Variants in PRKCSH observed in about 807,000 individuals in gnomAD.
The protein encoded by PRKCSH is PRKCSH beta subunit of glucosidase II.
In PRKCSH, 42 loss-of-function variants were observed where a neutral mutation model predicts 79.7. The observed-to-expected ratio is 0.53, with a 90% CI of 0.41 to 0.68. PRKCSH has a LOEUF of 0.68. PRKCSH is among the 30% of genes least tolerant of loss of function. The pLI is 0.00. For missense variants in PRKCSH, 686 were observed against 709.0 expected, an observed-to-expected ratio of 0.97 and a Z score of 0.37; for synonymous variants, 325 against 288.2, an observed-to-expected ratio of 1.13 and a Z score of -1.29.
chr19:11,438,104 C>T lies in PRKCSH; in HGVS notation c.330C>T (p.Val110=), dbSNP rs1969867742. The change falls in exon 5 of 18, where the codon GTC becomes GTT. Residue 110 remains valine, a synonymous_variant. Coordinates refer to ENST00000677123, the MANE Select transcript of PRKCSH (RefSeq NM_001289104.2). ...CDGTDEYNSG[V]ICENTCKEKG... ...GAACAGACGAGTACAACAGCGGCGT[C>T]ATCTGTGAGAACACCTGCAAGTACG... The T allele has an allele frequency of 6.2e-6, 10 of 1,614,156 alleles. No individual in the cohort carries two copies. The highest frequency in any genetic ancestry group is 1.1e-5 in the South Asian group (1 of 91,070).
At chr19:11,436,579 A>G (rs1391000220) in intron 3 of PRKCSH, 74 bp downstream of exon 3, 2 of 1,198,842 alleles carry the variant, frequency 1.7e-6, no homozygotes, top group South Asian at 1.3e-5. Context: ...CTGTGTGACC[A>G]AGATACTACC....
In PRKCSH at chr19:11,449,896, A is replaced by G. The variant is rs369104504; in HGVS notation, c.*16+468A>G. The G allele has an allele frequency of 4.7e-6, 1 of 210,536 alleles. No homozygotes were observed. Among genetic ancestry groups the G allele is most frequent in the Non-Finnish European group, 9.7e-6 (1 of 103,558 alleles). 13.0% of individuals were successfully genotyped at this position (210,536 alleles called of 1,614,324 possible). On this transcript the variant is annotated intron_variant, in intron 17 of 17. Transcript: ENST00000677123. This position sits in a 1 kb window ranked among gnomAD's most constrained non-coding sequence, Gnocchi z 6.4. Reference sequence around the variant, plus strand: ...CTTGTTGCCGAGGCTGGAATGTGGAATGCAATGGCGCGATCTCGGCTCACT... The same window carrying G: ...CTTGTTGCCGAGGCTGGAATGTGGAGTGCAATGGCGCGATCTCGGCTCACT...
chr19:11,450,391 C>T (rs1733355910), intron 17 of PRKCSH: 1 of 151,794 alleles, frequency 6.6e-6, no homozygotes, highest in Non-Finnish European at 1.5e-5. Context: ...GCACAAGAAT[C>T]ACTTGAACCC....
Position 11,447,426 on chromosome 19 carries a change from G to A in PRKCSH, c.850-13G>A, listed in dbSNP as rs762897781. 4.3e-6 allele frequency: 7 copies of A among 1,613,364 alleles called. No individual in the cohort carries two copies. The highest frequency in any genetic ancestry group is 5.1e-6 in the Non-Finnish European group (6 of 1,179,706). The stretch of plus-strand genomic sequence containing the variant: ...CTGAGTCCACAACACCGACCGCACT[G>A]CTCACCCGCCAGGCACTGCCCACCG... On this transcript the variant is annotated splice_polypyrimidine_tract_variant and intron_variant, in intron 10 of 17. Transcript: ENST00000677123. The surrounding 1 kb of genome is among the most constrained non-coding windows in gnomAD (Gnocchi z 5.6).
At position 11,449,373 on chromosome 19, in the gene PRKCSH, G is replaced by C. The variant is rs149505716; in HGVS notation, c.1569G>C (p.Pro523=). The C allele has an allele frequency of 1.2e-6, 2 of 1,613,216 alleles. No homozygotes were observed. The highest frequency in any genetic ancestry group is 2.7e-5 in the African/African-American group (2 of 74,908). Residue 523 remains proline, a synonymous_variant, in exon 17 of 18, where the codon CCG becomes CCC. Coordinates refer to ENST00000677123, the MANE Select transcript of PRKCSH (RefSeq NM_001289104.2). The surrounding 1 kb of genome is among the most constrained non-coding windows in gnomAD (Gnocchi z 6.4). The part of the protein sequence containing the change: ...LMTPAACPEP[P]PEAPTEDDHD... The stretch of plus-strand genomic sequence containing the variant: ...CGCCAGCCGCCTGCCCGGAGCCACC[G>C]CCTGAAGCACCCACCGAAGACGACC...
At chr19:11,446,464 T>C (rs561399786) in intron 9 of PRKCSH, 114 bp downstream of exon 9, 1 of 1,243,890 alleles carries the variant, frequency 8.0e-7, no homozygotes, top group East Asian at 2.6e-5. Context: ...ATGCCTCCTC[T>C]GGGTGAGCTG....
chr19:11,442,608 C>T, intron 7 of PRKCSH, 93 bp downstream of exon 7: 1 of 1,543,548 alleles, frequency 6.5e-7, no homozygotes, highest in South Asian at 1.2e-5. Flanking sequence ...TTGTCAGTTT[C>T]AGCAGGTTTT....
chr19:11,438,467 C>T (rs568381337), intron 5 of PRKCSH, among the ~76,000 whole-genome samples: 29 of 152,076 alleles, frequency 1.9e-4, no homozygotes, highest in Non-Finnish European at 2.8e-4. Context: ...AAGTATACAA[C>T]GGAAGGAGGC....
chr19:11,436,655 G>A (rs761109003), intron 3 of PRKCSH, 150 bp downstream of exon 3: 167 of 730,920 alleles, frequency 2.3e-4, no homozygotes, highest in Non-Finnish European at 3.3e-4. Flanking sequence ...TTATGGCCCC[G>A]GGCAGCTGGA....
chr19:11,446,217 A>C, intron 8 of PRKCSH, 55 bp from the exon 9 acceptor site: 1 of 1,585,594 alleles, frequency 6.3e-7, no homozygotes, highest in South Asian at 1.1e-5. Context: ...GGTGCCCCCA[A>C]CTGAGAGCCA....
At chr19:11,440,217 C>T (rs1969995663) in intron 5 of PRKCSH, among the ~76,000 whole-genome samples, 1 of 146,280 alleles carries the variant, frequency 6.8e-6, no homozygotes, top group Admixed American at 6.8e-5. Context: ...GTGTGATCTC[C>T]GCTCACTGCA....
In PRKCSH at chr19:11,449,968, C is replaced by G. The variant is rs1349309861; in HGVS notation, c.*16+540C>G. On this transcript the variant is annotated intron_variant, in intron 17 of 17. Transcript: ENST00000677123. The surrounding 1 kb of genome is among the most constrained non-coding windows in gnomAD (Gnocchi z 6.4). ...CAAGCAATTCTCCTGCCTCAGCCTCCTGAGTAATTGGGACTACAGGCGCCG... is the reference window on the plus strand; with the variant it reads ...CAAGCAATTCTCCTGCCTCAGCCTCGTGAGTAATTGGGACTACAGGCGCCG... 1 of 170,608 alleles carries G rather than the reference C, an allele frequency of 5.9e-6. No homozygotes were observed. Among genetic ancestry groups the G allele is most frequent in the African/African-American group, 2.4e-5 (1 of 41,628 alleles). 10.6% of individuals were successfully genotyped at this position (170,608 alleles called of 1,614,324 possible).
At chr19:11,443,023 C>T (rs1970134337) in intron 7 of PRKCSH, among the ~76,000 whole-genome samples, 1 of 151,590 alleles carries the variant, frequency 6.6e-6, no homozygotes, top group African/African-American at 2.4e-5. Flanking sequence ...CTTTTAACAT[C>T]AATGTAGATT....
At chr19:11,446,549 C>A (rs1407054476) in intron 9 of PRKCSH, among the ~76,000 whole-genome samples, 199 bp downstream of exon 9, 7 of 151,910 alleles carry the variant, frequency 4.6e-5, no homozygotes, top group Admixed American at 4.6e-4. Flanking sequence ...GAGCCCGTTT[C>A]CCCGCACCTG....
intron 5 of PRKCSH, among the ~76,000 whole-genome samples, chr19:11,439,823 A>C (rs762002499): frequency 2.9e-4 from 44 of 150,606 alleles, no homozygotes; most frequent in Non-Finnish European, 5.8e-4. Flanking sequence ...GTTTCACAAT[A>C]TTGGCCAGGC....
chr19:11,447,128 TGGGCCGCCATCA>T lies in PRKCSH; in HGVS notation c.821_832del (p.Ala274_Arg277del), dbSNP rs1176604232. 5 of 1,613,812 alleles carry T rather than the reference TGGGCCGCCATCA, an allele frequency of 3.1e-6. No individual in the cohort carries two copies. The highest frequency in any genetic ancestry group is 1.7e-6 in the Non-Finnish European group (2 of 1,179,878). The stretch of plus-strand genomic sequence containing the variant: ...CGCCACCTCTTTCTACGACCGCGTC[TGGGCCGCCATCA>T]GGGACAAGTACCGGTCCGAGGTCAG... On this transcript the variant is annotated inframe_deletion, in exon 10 of 18. Transcript: ENST00000677123. The surrounding 1 kb of genome is among the most constrained non-coding windows in gnomAD (Gnocchi z 5.6).
chr19:11,449,450 C>T lies in PRKCSH; in HGVS notation c.*16+22C>T, dbSNP rs369773890. On this transcript the variant is annotated intron_variant, in intron 17 of 17. Transcript: ENST00000677123. This position sits in a 1 kb window ranked among gnomAD's most constrained non-coding sequence, Gnocchi z 6.4. ...AGAGGTGGGCGGGGAGGTGGAGTCT[C>T]GTCGGCCTGCCCCAGCAAGGGGAGG... 72 of 1,612,128 alleles carry T rather than the reference C, an allele frequency of 4.5e-5. No homozygotes were observed. The highest frequency in any genetic ancestry group is 5.7e-5 in the Non-Finnish European group (67 of 1,179,650).
At chr19:11,440,364 G>A (rs543948163) in intron 5 of PRKCSH, among the ~76,000 whole-genome samples, 2 of 151,792 alleles carry the variant, frequency 1.3e-5, no homozygotes, top group South Asian at 2.1e-4. Context: ...GTGTTAGCCC[G>A]GATGGTCTCG....
chr19:11,437,894 A>G lies in PRKCSH; in HGVS notation c.215A>G (p.Asn72Ser), dbSNP rs762834835. 2 of 1,614,110 alleles carry G rather than the reference A, an allele frequency of 1.2e-6. No homozygotes were observed. The highest frequency in any genetic ancestry group is 1.7e-6 in the Non-Finnish European group (2 of 1,179,996). Reference sequence around the variant, plus strand: ...CTCACAGGCACGGCTGCCTGTCCTAATGGCAGCTTCCACTGCACCAACACT... The same window carrying G: ...CTCACAGGCACGGCTGCCTGTCCTAGTGGCAGCTTCCACTGCACCAACACT... ...SDEPGTAACP[N>S]GSFHCTNTGY... Residue 72 changes from asparagine to serine, a missense_variant, in exon 4 of 18, where the codon AAT becomes AGT. By Grantham distance (46) the Asn-to-Ser change is conservative (BLOSUM62 1). Transcript: ENST00000677123.
Sources: allele counts gnomAD v4.1 joint callset (sites outside exome capture counted in the v4.1 genomes callset), GRCh38; gene constraint gnomAD v4.1.1; non-coding constraint Gnocchi (gnomAD v3.1); transcripts MANE v1.5; gene names NCBI Gene and HGNC (gene_info 2026-07-23, HGNC 2026-07-21).